DNAH8: variants seen among roughly 807,000 people sequenced by gnomAD.
The protein encoded by DNAH8 is dynein axonemal heavy chain 8.
In DNAH8, 382 loss-of-function variants were observed where a neutral mutation model predicts 562.1. The ratio of observed to expected loss-of-function variants is 0.68; its 90% CI spans 0.63 to 0.74. The LOEUF is 0.74. Among genes scored for constraint, DNAH8 ranks in the 30% least tolerant of loss-of-function variants. The pLI is 0.00. For synonymous variants in DNAH8, 1,881 were observed against 1,919.4 expected (o/e 0.98, Z 0.52); for missense variants, 5,203 against 5,620.4 (o/e 0.93, Z 2.37).
intron 24 of DNAH8, among the ~76,000 whole-genome samples, chr6:38,809,374 T>C (rs1441203653): frequency 1.3e-5 from 2 of 152,204 alleles, no homozygotes; most frequent in African/African-American, 4.8e-5. Flanking sequence ...GTTTTGACCT[T>C]TATATTTAGG....
At chr6:38,980,733 C>T (rs775084697) in intron 85 of DNAH8, among the ~76,000 whole-genome samples, 1 of 151,060 alleles carries the variant, frequency 6.6e-6, no homozygotes, top group Admixed American at 6.6e-5. Flanking sequence ...TAGTACTTTA[C>T]GTTTTTAAGA....
intron 88 of DNAH8, among the ~76,000 whole-genome samples, chr6:39,002,691 T>A (rs1583547989): frequency 6.6e-6 from 1 of 152,216 alleles, no homozygotes; most frequent in African/African-American, 2.4e-5. Context: ...GAATTTTAAG[T>A]TATATCTAAA....
chr6:38,931,807 G>T lies in DNAH8; in HGVS notation c.11275-4G>T, dbSNP rs757544802. 1.3e-6 allele frequency: 2 copies of T among 1,531,310 alleles called. No homozygotes were observed. The highest frequency in any genetic ancestry group is 1.8e-6 in the Non-Finnish European group (2 of 1,138,624). 94.9% of individuals were successfully genotyped at this position (1,531,310 alleles called of 1,614,324 possible). On this transcript the variant is annotated splice_polypyrimidine_tract_variant and splice_region_variant and intron_variant, in intron 75 of 92. Transcript: ENST00000327475. Reference sequence around the variant, plus strand: ...TTTTTAATTTTATATGTGAATTTATGTAGGTGAAAGTCGGTGATAAGGAAT... The same window carrying T: ...TTTTTAATTTTATATGTGAATTTATTTAGGTGAAAGTCGGTGATAAGGAAT...
At chr6:38,765,310 G>A (rs972802800) in intron 11 of DNAH8, among the ~76,000 whole-genome samples, 2 of 152,064 alleles carry the variant, frequency 1.3e-5, no homozygotes, top group African/African-American at 4.8e-5. Flanking sequence ...TTTATAGTTT[G>A]ATACAATCTC....
chr6:38,913,688 T>C (rs891899269), intron 66 of DNAH8, among the ~76,000 whole-genome samples, 161 bp from the exon 67 acceptor site: 2 of 152,222 alleles, frequency 1.3e-5, no homozygotes, highest in African/African-American at 4.8e-5. Context: ...ATGGTCAATA[T>C]TGTTGCTTTT....
At chr6:39,007,985 A>G (rs1394885479) in intron 88 of DNAH8, among the ~76,000 whole-genome samples, 2 of 127,300 alleles carry the variant, frequency 1.6e-5, no homozygotes, top group Non-Finnish European at 3.2e-5. Flanking sequence ...ATGTCCAGGT[A>G]ACTGGTCAAC....
intron 14 of DNAH8, among the ~76,000 whole-genome samples, chr6:38,779,601 C>G (rs565628854): frequency 6.6e-6 from 1 of 152,312 alleles, no homozygotes; most frequent in African/African-American, 2.4e-5. Flanking sequence ...AATGTGTTCT[C>G]TTCCATCTTT....
At chr6:38,885,368 G>A (rs1778842902) in intron 56 of DNAH8, among the ~76,000 whole-genome samples, 1 of 151,966 alleles carries the variant, frequency 6.6e-6, no homozygotes, top group Non-Finnish European at 1.5e-5. Context: ...CACCTCCACT[G>A]CTACCACCTG....
chr6:38,963,253 C>CTTTTTTTT (rs57083753), intron 82 of DNAH8, among the ~76,000 whole-genome samples: 46 of 102,610 alleles, frequency 4.5e-4, no homozygotes, highest in Non-Finnish European at 5.7e-4. Context: ...AGTCCTTTTT[C>CTTTTTTTT]TTTTTTTTTT....
chr6:38,865,098 G>A (rs926692004), intron 45 of DNAH8, among the ~76,000 whole-genome samples: 1 of 152,160 alleles, frequency 6.6e-6, no homozygotes, highest in Admixed American at 6.5e-5. Context: ...GAATAAACGG[G>A]AGTTTTTATG....
intron 7 of DNAH8, among the ~76,000 whole-genome samples, chr6:38,741,496 G>A (rs1764518301): frequency 6.6e-6 from 1 of 150,950 alleles, no homozygotes; most frequent in African/African-American, 2.4e-5. Context: ...AAGAGAAACT[G>A]TCACCTTTAA....
At chr6:38,793,495 A>G (rs1583021248) in intron 21 of DNAH8, among the ~76,000 whole-genome samples, 1 of 151,898 alleles carries the variant, frequency 6.6e-6, no homozygotes, top group South Asian at 2.1e-4. Flanking sequence ...GTCTTTTTCC[A>G]TTTTATGACT....
Position 39,030,645 on chromosome 6 carries a change from C to G in DNAH8, c.*253C>G, listed in dbSNP as rs1163677180. On this transcript the variant is annotated 3_prime_UTR_variant, in exon 93 of 93. Transcript: ENST00000327475. ...TATAATTACTTTTTAAAGATAAAAC[C>G]CTGTTTGGATGTTAGAACACTTTGG... 2.5e-6 allele frequency: 1 copy of G among 397,228 alleles called. No homozygotes were observed. Among genetic ancestry groups the G allele is most frequent in the African/African-American group, 2.1e-5 (1 of 48,768 alleles). The allele number at this position is 397,228 out of a possible 1,614,324, so 24.6% of individuals were successfully genotyped here.
Position 38,872,695 on chromosome 6 carries a change from A to C in DNAH8, c.7150A>C (p.Met2384Leu), listed in dbSNP as rs771001804. Residue 2384 changes from methionine to leucine, a missense_variant, in exon 50 of 93, where the codon ATG becomes CTG. Transcript: ENST00000327475. Reference protein sequence around the residue: ...MNPKAITAPQMFGRLDTATND... With the variant: ...MNPKAITAPQLFGRLDTATND... ...TCCAAAAGCCATTACTGCACCTCAG[A>C]TGTTTGGCAGACTGGACACTGCTAC... 1 of 1,614,134 alleles carries C rather than the reference A, an allele frequency of 6.2e-7. No individual in the cohort carries two copies. The highest frequency in any genetic ancestry group is 1.1e-5 in the South Asian group (1 of 91,088).
intron 43 of DNAH8, 82 bp from the exon 44 acceptor site, chr6:38,862,198 C>A: frequency 7.8e-7 from 1 of 1,277,246 alleles, no homozygotes; most frequent in Non-Finnish European, 1.1e-6. Flanking sequence ...AGGCCCATTC[C>A]AATCACATTG....
intron 49 of DNAH8, among the ~76,000 whole-genome samples, chr6:38,871,290 T>C (rs955470935): frequency 6.6e-6 from 1 of 152,210 alleles, no homozygotes; most frequent in African/African-American, 2.4e-5. Flanking sequence ...CTGAGATACA[T>C]CCAAATCTTA....
At chr6:38,772,351 C>T (rs1241675138) in intron 12 of DNAH8, among the ~76,000 whole-genome samples, 1 of 152,044 alleles carries the variant, frequency 6.6e-6, no homozygotes, top group Non-Finnish European at 1.5e-5. Flanking sequence ...TCTTCATATC[C>T]TTGCCAACAT....
At chr6:38,907,415 G>A (rs551520806) in intron 63 of DNAH8, among the ~76,000 whole-genome samples, 2 of 152,282 alleles carry the variant, frequency 1.3e-5, no homozygotes, top group South Asian at 2.1e-4. Flanking sequence ...TGTTTGCCAT[G>A]TATCACAAGG....
intron 1 of DNAH8, among the ~76,000 whole-genome samples, chr6:38,717,855 C>G (rs1305334801): frequency 6.6e-6 from 1 of 151,916 alleles, no homozygotes; most frequent in African/African-American, 2.4e-5. Context: ...TTTTATGTAA[C>G]TGCATAAAGA....
Sources: gnomAD v4.1 joint callset for allele counts (sites outside exome capture counted in the v4.1 genomes callset) on GRCh38, gnomAD v4.1.1 for gene constraint, MANE v1.5 for transcripts, NCBI Gene and HGNC (gene_info 2026-07-23, HGNC 2026-07-21) for gene names.